The following LHFPL3 variants were observed in gnomAD, a reference collection of about 807,000 sequenced individuals.
LHFPL3 encodes the protein LHFPL tetraspan subfamily member 3 protein.
A neutral mutation model predicts 19.3 loss-of-function variants in LHFPL3; 5 were observed. The observed-to-expected ratio is 0.26, with a 90% CI of 0.14 to 0.54. LHFPL3 has a LOEUF of 0.54. Ranked by LOEUF, LHFPL3 falls within the 20% of genes least tolerant of loss-of-function variation. LHFPL3 has a pLI of 0.94. For missense variants in LHFPL3, 249 were observed against 307.4 expected, an observed-to-expected ratio of 0.81 and a Z score of 1.42; for synonymous variants, 133 against 126.2, an observed-to-expected ratio of 1.05 and a Z score of -0.36.
At chr7:104,559,944 GT>G (rs1789950776) in intron 1 of LHFPL3, among the ~76,000 whole-genome samples, 1 of 150,004 alleles carries the variant, frequency 6.7e-6, no homozygotes, top group South Asian at 2.1e-4. Context: ...TAATCATGTG[GT>G]TTTTGTCGTT....
intron 1 of LHFPL3, among the ~76,000 whole-genome samples, chr7:104,432,808 G>C (rs904091199): frequency 6.6e-6 from 1 of 151,986 alleles, no homozygotes; most frequent in African/African-American, 2.4e-5. Context: ...TCTAAATTCT[G>C]TTGATTCTGC....
intron 1 of LHFPL3, among the ~76,000 whole-genome samples, chr7:104,621,107 G>A (rs1160236310): frequency 6.6e-6 from 1 of 152,118 alleles, no homozygotes; most frequent in Non-Finnish European, 1.5e-5. Flanking sequence ...TACCTTTCAA[G>A]TCTCTGAACC....
chr7:104,614,854 G>T (rs1175010972), intron 1 of LHFPL3, among the ~76,000 whole-genome samples: 1 of 151,334 alleles, frequency 6.6e-6, no homozygotes, highest in African/African-American at 2.4e-5. Context: ...AGACTCAAGT[G>T]ATCCTCCCAC....
At chr7:104,792,994 CA>C (rs1302740799) in intron 2 of LHFPL3, among the ~76,000 whole-genome samples, 7 of 152,190 alleles carry the variant, frequency 4.6e-5, no homozygotes, top group African/African-American at 1.7e-4. Flanking sequence ...CTCCCAGTTT[CA>C]AGTGATTCTC....
intron 1 of LHFPL3, among the ~76,000 whole-genome samples, chr7:104,520,436 T>C (rs927260571): frequency 3.4e-5 from 5 of 147,610 alleles, no homozygotes; most frequent in African/African-American, 1.3e-4. Context: ...TGCCCAGCTT[T>C]GGTATCAGGA....
intron 2 of LHFPL3, among the ~76,000 whole-genome samples, chr7:104,901,249 T>C (rs1792477418): frequency 1.3e-5 from 2 of 152,224 alleles, no homozygotes; most frequent in African/African-American, 4.8e-5. Context: ...ATCTAAGTAG[T>C]TGTAATAACA....
intron 2 of LHFPL3, among the ~76,000 whole-genome samples, chr7:104,778,037 T>C (rs1375605205): frequency 1.8e-4 from 28 of 152,190 alleles, no homozygotes; most frequent in Non-Finnish European, 8.8e-5. Flanking sequence ...CATGACAATC[T>C]GGGCTCAGCA....
intron 1 of LHFPL3, among the ~76,000 whole-genome samples, chr7:104,426,680 T>A (rs1400284892): frequency 6.6e-6 from 1 of 152,240 alleles, no homozygotes; most frequent in African/African-American, 2.4e-5. Context: ...CAGGGTTAAC[T>A]TTGTCCTGAC....
intron 2 of LHFPL3, among the ~76,000 whole-genome samples, chr7:104,875,283 T>C (rs1423861510): frequency 1.3e-5 from 2 of 152,158 alleles, no homozygotes; most frequent in Non-Finnish European, 2.9e-5. Flanking sequence ...TCTTTGATGC[T>C]CTTCCATGTT....
intron 1 of LHFPL3, among the ~76,000 whole-genome samples, chr7:104,692,604 A>G (rs939076893): frequency 2.6e-5 from 4 of 152,270 alleles, no homozygotes; most frequent in Non-Finnish European, 2.9e-5. Flanking sequence ...GCCAACGTAC[A>G]GCTCAGGTCA....
intron 1 of LHFPL3, among the ~76,000 whole-genome samples, chr7:104,678,501 T>C (rs1792634985): frequency 6.6e-6 from 1 of 152,210 alleles, no homozygotes; most frequent in Non-Finnish European, 1.5e-5. Context: ...TTTTAAAAGC[T>C]ATTTTTTTTC....
intron 1 of LHFPL3, among the ~76,000 whole-genome samples, chr7:104,621,516 A>G (rs1264801759): frequency 6.6e-6 from 1 of 152,236 alleles, no homozygotes; most frequent in Non-Finnish European, 1.5e-5. Context: ...GCTGGGTCAG[A>G]GGACGCCCAG....
intron 1 of LHFPL3, chr7:104,668,985 G>C: frequency 1.2e-6 from 2 of 1,612,234 alleles, no homozygotes; most frequent in Non-Finnish European, 1.7e-6. Context: ...CTCAGGAACG[G>C]GAACGGTCGA....
At chr7:104,626,376 T>G (rs906854341) in intron 1 of LHFPL3, among the ~76,000 whole-genome samples, 12 of 152,192 alleles carry the variant, frequency 7.9e-5, no homozygotes, top group Non-Finnish European at 1.2e-4. Context: ...CAAATAGGAA[T>G]CTACAAATAA....
chr7:104,858,363 A>G (rs774774893), intron 2 of LHFPL3, among the ~76,000 whole-genome samples: 2 of 152,224 alleles, frequency 1.3e-5, no homozygotes, highest in Non-Finnish European at 2.9e-5. Flanking sequence ...CTCTCCATCC[A>G]GGACCACACC....
chr7:104,841,491 GGGGTGTGTGTGTGTGTGT>G (rs1791206058), intron 2 of LHFPL3, among the ~76,000 whole-genome samples: 2 of 141,842 alleles, frequency 1.4e-5, no homozygotes, highest in South Asian at 2.2e-4. Context: ...TGCATTATGT[GGGGTGTGTGTGTGTGTGT>G]GTGTGTGTGT....
At chr7:104,401,687 T>G (rs1791314399) in intron 1 of LHFPL3, among the ~76,000 whole-genome samples, 1 of 152,196 alleles carries the variant, frequency 6.6e-6, no homozygotes, top group East Asian at 1.9e-4. Flanking sequence ...ACCAACTAGA[T>G]TTATTCTTAA....
chr7:104,884,161 G>A (rs139199441), intron 2 of LHFPL3, among the ~76,000 whole-genome samples: 2 of 152,186 alleles, frequency 1.3e-5, no homozygotes, highest in African/African-American at 2.4e-5. Flanking sequence ...CCAAGTCTTC[G>A]GTACACGCCA....
intron 1 of LHFPL3, among the ~76,000 whole-genome samples, chr7:104,408,143 CT>C (rs1453848038): frequency 1.3e-5 from 2 of 152,140 alleles, no homozygotes; most frequent in African/African-American, 4.8e-5. Context: ...CTTTTTCTTA[CT>C]CTTATTTTAT....
Sources: allele counts gnomAD v4.1 joint callset (sites outside exome capture counted in the v4.1 genomes callset), GRCh38; gene constraint gnomAD v4.1.1; transcripts MANE v1.5; gene names NCBI Gene and HGNC (gene_info 2026-07-23, HGNC 2026-07-21).